Variants in SLC22A25 observed in about 807,000 individuals in gnomAD.
SLC22A25 encodes the protein MGI:2442751, MGI:2385316, MGI:3042283, MGI:3645714, MGI:3605624, MGI:2442750.
In SLC22A25, 44 loss-of-function variants were observed where a neutral mutation model predicts 45.9. That is an observed-to-expected ratio of 0.96 (90% CI 0.75 to 1.23). The LOEUF (loss-of-function observed/expected upper bound fraction) is 1.23, where lower values mean the gene tolerates loss of function less well. SLC22A25 is among the 50% of genes most tolerant of loss of function. The pLI, the probability that SLC22A25 is intolerant of heterozygous loss-of-function variation, is 0.00. For synonymous variants in SLC22A25, 283 were observed against 238.6 expected (o/e 1.19, Z -1.72); for missense variants, 800 against 666.4 (o/e 1.20, Z -2.21).
At chr11:63,210,704 G>A (rs932923249) in intron 7 of SLC22A25, among the ~76,000 whole-genome samples, 1 of 152,028 alleles carries the variant, frequency 6.6e-6, no homozygotes, top group African/African-American at 2.4e-5. Context: ...TGGATTTTTT[G>A]GTTGATACTG....
intron 9 of SLC22A25, among the ~76,000 whole-genome samples, chr11:63,169,133 A>G (rs1211677785): frequency 6.6e-6 from 1 of 152,210 alleles, no homozygotes; most frequent in Non-Finnish European, 1.5e-5. Context: ...GGATTTTGTC[A>G]CCAGCAGGCC....
chr11:63,188,223 G>T (rs530991523), intron 7 of SLC22A25, among the ~76,000 whole-genome samples: 1 of 152,132 alleles, frequency 6.6e-6, no homozygotes, highest in South Asian at 2.1e-4. Context: ...TAATTTCAGA[G>T]CCTGTTATTG....
At position 63,229,287 on chromosome 11, in the gene SLC22A25, A is replaced by G. The variant is rs548564648; in HGVS notation, c.366T>C (p.Tyr122=). The G allele has an allele frequency of 1.1e-5, 18 of 1,577,604 alleles. No individual in the cohort carries two copies. The highest frequency in any genetic ancestry group is 1.6e-5 in the Non-Finnish European group (18 of 1,160,152). Residue 122 remains tyrosine (Y), a synonymous_variant, in exon 4 of 12, where the codon TAT becomes TAC. Transcript: ENST00000306494. ...DTEPCVDGWV[Y]DQSSFPSTIV... ...TGGTGGAAGGGAAGGAGCTTTGGTC[A>G]TATACCCAGCCATCCACACAGGGCT... is the stretch of plus-strand genomic sequence containing the variant.
chr11:63,196,145 C>T (rs11231404), intron 7 of SLC22A25, among the ~76,000 whole-genome samples: 55,040 of 151,572 alleles, frequency 0.36, 10,232 homozygotes, highest in East Asian at 0.56. Context: ...CAGGACCAGA[C>T]TGATTCACAG....
In SLC22A25 at chr11:63,217,403, G is replaced by A. The variant is rs772832339; in HGVS notation, c.741C>T (p.Thr247=). ...TLCAASIGHI[T]LGSLAFVIRD... Reference sequence around the variant, plus strand: ...GAATGACAAAAGCCAGGCTTCCCAGGGTTATATGTCCAATACTAGCAGCAC... The same window carrying A: ...GAATGACAAAAGCCAGGCTTCCCAGAGTTATATGTCCAATACTAGCAGCAC... The change falls in exon 7 of 12, where the codon ACC becomes ACT. Residue 247 remains threonine, a synonymous_variant. Transcript: ENST00000306494. 3.1e-6 allele frequency: 5 copies of A among 1,613,942 alleles called. No individual in the cohort carries two copies. The South Asian group carries it at 5.5e-5, about 18-fold the overall frequency.
intron 9 of SLC22A25, among the ~76,000 whole-genome samples, chr11:63,173,899 C>CTTTTTT (rs561742765): frequency 2.1e-5 from 3 of 140,718 alleles, no homozygotes; most frequent in Admixed American, 7.1e-5. Flanking sequence ...ATTTTCTTTT[C>CTTTTTT]TTTTTTTTTT....
chr11:63,190,861 G>A (rs976136283), intron 7 of SLC22A25, among the ~76,000 whole-genome samples: 11 of 152,148 alleles, frequency 7.2e-5, no homozygotes, highest in African/African-American at 1.7e-4. Context: ...GCAGAACAGC[G>A]GATATTGGTG....
intron 9 of SLC22A25, chr11:63,166,947 G>T (rs2087705493): frequency 1.3e-5 from 10 of 773,736 alleles, no homozygotes; most frequent in Non-Finnish European, 1.6e-5. Context: ...TGCGGAAGGT[G>T]AGTGATTTCT....
At chr11:63,179,317 A>G (rs74717618) in intron 9 of SLC22A25, among the ~76,000 whole-genome samples, 2,705 of 151,966 alleles carry the variant, frequency 0.018, 67 homozygotes, top group African/African-American at 0.05. Flanking sequence ...CTTTTGTGTC[A>G]TATTTCTCTG....
At chr11:63,186,967 G>T (rs1028824358) in intron 7 of SLC22A25, among the ~76,000 whole-genome samples, 1 of 152,172 alleles carries the variant, frequency 6.6e-6, no homozygotes, top group South Asian at 2.1e-4. Flanking sequence ...AGAGTTTGAA[G>T]TCAGGTAGCA....
rs756312934 is a variant in SLC22A25, at chr11:63,185,530, T to TTTTATTG, written c.831-1714_831-1713insCAATAAA. On this transcript the variant is annotated intron_variant, in intron 7 of 11. Transcript: ENST00000306494. ...TATGTGCCACATTTTCTTTTTTTAT[T>TTTTATTG]TTTATTTTTTATTTATTTATTTATT... Among the ~76,000 whole-genome samples the TTTTATTG allele has an allele frequency of 2.1e-3, 309 of 150,170 alleles. 6 individuals carry two copies. Among genetic ancestry groups the TTTTATTG allele is most frequent in the African/African-American group, 6.4e-3 (260 of 40,734 alleles).
Position 63,158,853 on chromosome 11 carries a change from TC to T in SLC22A25, c.*4970del, listed in dbSNP as rs2087515186. On this transcript the variant is annotated 3_prime_UTR_variant, in exon 12 of 12. Transcript: ENST00000306494. ...CAAATAGTAGATCTTATTCATTCTT[TC>T]CAACTTCCTTTTTTCCCCCCATTAA... Among the ~76,000 whole-genome samples the T allele has an allele frequency of 6.6e-6, 1 of 152,210 alleles. No homozygotes were observed. The highest frequency in any genetic ancestry group is 1.5e-5 in the Non-Finnish European group (1 of 68,038).
chr11:63,228,367 G>C, intron 5 of SLC22A25, 94 bp downstream of exon 5: 2 of 977,906 alleles, frequency 2.0e-6, no homozygotes, highest in East Asian at 4.9e-5. Context: ...GGAGCAACAG[G>C]ATAGTGTGAT....
intron 4 of SLC22A25, 79 bp downstream of exon 4, chr11:63,229,172 G>A (rs2090020660): frequency 7.1e-7 from 1 of 1,413,786 alleles, no homozygotes; most frequent in Non-Finnish European, 9.4e-7. Context: ...TGTGACTAAA[G>A]GCTGGAAGCA....
chr11:63,234,701 G>A (rs1364476135), intron 3 of SLC22A25, among the ~76,000 whole-genome samples: 2 of 152,140 alleles, frequency 1.3e-5, no homozygotes, highest in African/African-American at 4.8e-5. Flanking sequence ...TGGTTATTTT[G>A]CTTGTTAGTT....
chr11:63,229,371 G>C lies in SLC22A25; in HGVS notation c.282C>G (p.Pro94=), dbSNP rs760661234. The C allele has an allele frequency of 6.2e-7, 1 of 1,614,038 alleles. No homozygotes were observed. The highest frequency in any genetic ancestry group is 8.5e-7 in the Non-Finnish European group (1 of 1,179,958). ...CATTCAGATGAATGAGCTTCCACTG[G>C]GGATGGACAAAGCGACGACACTTCT... ...RPEKCRRFVH[P]QWKLIHLNGT... The change falls in exon 4 of 12, where the codon CCC becomes CCG. Residue 94 remains proline (P), a synonymous_variant. Transcript: ENST00000306494.
In SLC22A25 at chr11:63,183,696, C is replaced by G. The variant is rs1381354857; in HGVS notation, c.952G>C (p.Glu318Gln). 6.2e-7 allele frequency: 1 copy of G among 1,612,780 alleles called. No homozygotes were observed. The highest frequency in any genetic ancestry group is 1.7e-4 in the Middle Eastern group (1 of 6,046). The change falls in exon 8 of 12, where the codon GAG (glutamate) becomes CAG (glutamine). Residue 318 changes from glutamate to glutamine, a missense_variant and splice_region_variant. Physicochemically the swap from Glu to Gln is conservative, Grantham distance 29. Coordinates refer to ENST00000306494, the MANE Select transcript of SLC22A25 (RefSeq NM_199352.6). ...MKNAEDILTM[E>Q]VLKSTMKQEL... ...TATCCAGCTCCCGTCTTGCTTACCT[C>G]CATGGTTAGGATGTCTTCAGCATTC...
intron 8 of SLC22A25, 122 bp downstream of exon 8, chr11:63,183,572 A>G (rs1237135625): frequency 3.2e-6 from 4 of 1,231,506 alleles, no homozygotes; most frequent in Non-Finnish European, 4.6e-6. Context: ...AATGATCGTG[A>G]GGTGAGATGA....
rs192738055 is a variant in SLC22A25, at chr11:63,176,800, G to A, written c.1070+3860C>T. On this transcript the variant is annotated intron_variant, in intron 9 of 11. Transcript: ENST00000306494. ...AAGGAAGAGCTTTCAGTTTTTCATCGAGTATGATGTTAGCTCTGGACTTCT... is the reference window on the plus strand; with the variant it reads ...AAGGAAGAGCTTTCAGTTTTTCATCAAGTATGATGTTAGCTCTGGACTTCT... 2.0e-5 allele frequency among the ~76,000 whole-genome samples: 3 copies of A among 152,054 alleles called. No homozygotes were observed. In the East Asian group the frequency reaches 5.8e-4, roughly 29 times the overall value.
Sources: gnomAD v4.1 joint callset for allele counts (sites outside exome capture counted in the v4.1 genomes callset) on GRCh38, gnomAD v4.1.1 for gene constraint, MANE v1.5 for transcripts, NCBI Gene and HGNC (gene_info 2026-07-23, HGNC 2026-07-21) for gene names.